Variants in ZNF407 observed in about 807,000 individuals in gnomAD.
ZNF407 encodes the protein zinc finger protein 407.
Under a neutral mutation model 131.2 loss-of-function variants are expected in ZNF407, and 17 were observed. That is an observed-to-expected ratio of 0.13 (90% CI 0.09 to 0.19). The LOEUF is 0.19. Among genes scored for constraint, ZNF407 ranks in the 10% least tolerant of loss-of-function variants. ZNF407 has a pLI of 1.00. For missense variants in ZNF407, 2,681 were observed against 2,830.6 expected (o/e 0.95, Z 1.20); for synonymous variants, 1,156 against 1,062.0 (o/e 1.09, Z -1.72).
At chr18:74,845,673 T>A (rs929330382) in intron 4 of ZNF407, among the ~76,000 whole-genome samples, 1 of 152,192 alleles carries the variant, frequency 6.6e-6, no homozygotes, top group African/African-American at 2.4e-5. Flanking sequence ...AAGAAAGTAC[T>A]AAAATATACA....
chr18:74,907,819 T>C (rs185709142), intron 7 of ZNF407, among the ~76,000 whole-genome samples: 2 of 152,342 alleles, frequency 1.3e-5, no homozygotes, highest in Admixed American at 6.5e-5. Context: ...ACTTGAAGGA[T>C]ACTATCAAAT....
At chr18:74,803,981 G>A (rs747365128) in intron 4 of ZNF407, 60 of 1,551,588 alleles carry the variant, frequency 3.9e-5, no homozygotes, top group Non-Finnish European at 4.6e-5. Flanking sequence ...GTTGCATATC[G>A]AAAGATCGGG....
intron 7 of ZNF407, among the ~76,000 whole-genome samples, chr18:74,916,638 G>T (rs1334839071): frequency 7.3e-6 from 1 of 136,342 alleles, no homozygotes; most frequent in Non-Finnish European, 1.5e-5. Flanking sequence ...GAGTGTGTGT[G>T]TGTGTGTGTG....
intron 8 of ZNF407, among the ~76,000 whole-genome samples, chr18:74,973,183 A>T (rs1972492325): frequency 6.6e-6 from 1 of 152,152 alleles, no homozygotes; most frequent in Non-Finnish European, 1.5e-5. Flanking sequence ...AACTTATCAC[A>T]GTCTGTTGGT....
At chr18:74,792,842 G>T (rs988262072) in intron 4 of ZNF407, among the ~76,000 whole-genome samples, 4 of 152,176 alleles carry the variant, frequency 2.6e-5, no homozygotes, top group Admixed American at 1.3e-4. Context: ...GGCTGCTCTG[G>T]TTGAAGCTGG....
At chr18:74,858,355 G>T (rs1451025659) in intron 4 of ZNF407, among the ~76,000 whole-genome samples, 1 of 151,818 alleles carries the variant, frequency 6.6e-6, no homozygotes. Context: ...TTTCTATTTT[G>T]CTGTTGCAGT....
chr18:75,044,994 T>C (rs933250137), intron 8 of ZNF407, among the ~76,000 whole-genome samples: 1 of 151,960 alleles, frequency 6.6e-6, no homozygotes, highest in Non-Finnish European at 1.5e-5. Flanking sequence ...AAAGAGTGCA[T>C]TGTCAGCAAT....
At chr18:74,900,742 G>A (rs1416259558) in intron 7 of ZNF407, among the ~76,000 whole-genome samples, 1 of 152,122 alleles carries the variant, frequency 6.6e-6, no homozygotes, top group Non-Finnish European at 1.5e-5. Flanking sequence ...CCTGACTCCT[G>A]CACGTATTTA....
At chr18:74,970,895 C>G (rs531513931) in intron 8 of ZNF407, among the ~76,000 whole-genome samples, 1 of 152,348 alleles carries the variant, frequency 6.6e-6, no homozygotes, top group East Asian at 1.9e-4. Flanking sequence ...GAGGGCCCTG[C>G]CCCTGCAGCA....
At chr18:74,764,872 A>G (rs1969192927) in intron 3 of ZNF407, among the ~76,000 whole-genome samples, 1 of 152,228 alleles carries the variant, frequency 6.6e-6, no homozygotes, top group Admixed American at 6.5e-5. Context: ...GTTATTAAGA[A>G]AATCATAAGA....
At chr18:74,895,816 C>G (rs1003938490) in intron 7 of ZNF407, among the ~76,000 whole-genome samples, 1 of 152,178 alleles carries the variant, frequency 6.6e-6, no homozygotes, top group Non-Finnish European at 1.5e-5. Flanking sequence ...CCACTTGTTT[C>G]AGCAGCCTCC....
intron 3 of ZNF407, among the ~76,000 whole-genome samples, chr18:74,691,860 G>C (rs1219001720): frequency 3.3e-5 from 5 of 152,112 alleles, no homozygotes; most frequent in Non-Finnish European, 5.9e-5. Flanking sequence ...TTGGGAGGCC[G>C]AGGCAGATGA....
chr18:74,889,872 C>G, intron 6 of ZNF407, 46 bp from the exon 7 acceptor site: 1 of 1,539,104 alleles, frequency 6.5e-7, no homozygotes, highest in Non-Finnish European at 8.8e-7. Flanking sequence ...CCTTCATTTC[C>G]AGTTGTTATT....
intron 3 of ZNF407, among the ~76,000 whole-genome samples, chr18:74,670,276 T>C (rs939345219): frequency 2.6e-5 from 4 of 152,228 alleles, no homozygotes; most frequent in Non-Finnish European, 5.9e-5. Flanking sequence ...GATTAACATG[T>C]TTATTTAGTT....
chr18:75,013,543 C>T (rs1418767510), intron 8 of ZNF407, among the ~76,000 whole-genome samples: 4 of 152,112 alleles, frequency 2.6e-5, no homozygotes, highest in African/African-American at 9.7e-5. Flanking sequence ...CAGAAATGTT[C>T]TCCAGATTTT....
At chr18:74,980,249 C>A (rs1383745115) in intron 8 of ZNF407, among the ~76,000 whole-genome samples, 1 of 145,082 alleles carries the variant, frequency 6.9e-6, no homozygotes, top group Non-Finnish European at 1.5e-5. Context: ...TAACCCCTTC[C>A]CCATGCTTTT....
intron 8 of ZNF407, among the ~76,000 whole-genome samples, chr18:75,038,364 G>A (rs1199873598): frequency 2.0e-5 from 3 of 152,146 alleles, no homozygotes; most frequent in East Asian, 3.8e-4. Context: ...TGAATACAGC[G>A]ATTTCTGGCA....
At chr18:74,766,338 C>T (rs1969231789) in intron 3 of ZNF407, among the ~76,000 whole-genome samples, 1 of 152,144 alleles carries the variant, frequency 6.6e-6, no homozygotes, top group South Asian at 2.1e-4. Flanking sequence ...TGGGTCCCAT[C>T]CTATGCTTCT....
At chr18:74,601,260 A>G (rs1015488205) in intron 1 of ZNF407, among the ~76,000 whole-genome samples, 4 of 151,994 alleles carry the variant, frequency 2.6e-5, no homozygotes, top group African/African-American at 9.7e-5. Context: ...CTGCAATCCC[A>G]GAGGACCACC....
Sources: allele counts gnomAD v4.1 joint callset (sites outside exome capture counted in the v4.1 genomes callset), GRCh38; gene constraint gnomAD v4.1.1; transcripts MANE v1.5; gene names NCBI Gene and HGNC (gene_info 2026-07-23, HGNC 2026-07-21).